The following ZSCAN29 variants were observed in gnomAD, a reference collection of about 807,000 sequenced individuals.
The protein encoded by ZSCAN29 is zinc finger and SCAN domain containing 29, also known as zinc finger and SCAN domain-containing protein 29.
A neutral mutation model predicts 71.9 loss-of-function variants in ZSCAN29; 55 were observed. The observed-to-expected ratio is 0.76, with a 90% CI of 0.62 to 0.96. ZSCAN29 has a LOEUF of 0.96. Among genes scored for constraint, ZSCAN29 ranks in the 40% least tolerant of loss-of-function variants. The probability of loss-of-function intolerance (pLI) is 0.00; values close to 1 mark genes in which losing one functional copy is unlikely to be tolerated. For synonymous variants in ZSCAN29, 351 were observed against 371.6 expected (o/e 0.94, Z 0.64); for missense variants, 1,042 against 1,042.2 (o/e 1.00, Z 0.00).
Position 43,360,880 on chromosome 15 carries a change from CTTCCT to C in ZSCAN29, c.*188_*192del. 1.4e-6 allele frequency: 1 copy of C among 712,700 alleles called. No homozygotes were observed. The highest frequency in any genetic ancestry group is 2.3e-6 in the Non-Finnish European group (1 of 438,642). 44.1% of individuals were successfully genotyped at this position (712,700 alleles called of 1,614,324 possible). ...TGCAGGCAAAGAGAGGGACTGAAAT[CTTCCT>C]TTCATTCTTTAGACTGCCTTGGGGA... On this transcript the variant is annotated 3_prime_UTR_variant, in exon 6 of 6. Transcript: ENST00000684362.
At chr15:43,363,450 C>T (rs980098237) in intron 5 of ZSCAN29, among the ~76,000 whole-genome samples, 1 of 152,076 alleles carries the variant, frequency 6.6e-6, no homozygotes, top group Non-Finnish European at 1.5e-5. Flanking sequence ...TCTCAGGAAC[C>T]TCAGATTCAT....
chr15:43,362,459 T>A (rs529470037), intron 5 of ZSCAN29, among the ~76,000 whole-genome samples: 4 of 152,244 alleles, frequency 2.6e-5, no homozygotes, highest in Admixed American at 2.6e-4. Flanking sequence ...AAAAACAGGA[T>A]AGAAAAATAT....
intron 5 of ZSCAN29, among the ~76,000 whole-genome samples, chr15:43,362,248 T>C (rs2043989650): frequency 6.6e-6 from 1 of 152,206 alleles, no homozygotes; most frequent in South Asian, 2.1e-4. Flanking sequence ...ATAAAATAAT[T>C]TCCATGTTTC....
rs185961210 is a variant in ZSCAN29 at position 43,359,827 on chromosome 15, T to G, written c.*1246A>C. On this transcript the variant is annotated 3_prime_UTR_variant, in exon 6 of 6. Transcript: ENST00000684362. ...TCTATTCCAACCCTTCTTCTAGGACTCAGAAGAAACTAAGAAATCCAGGGT... is the reference window on the plus strand; with the variant it reads ...TCTATTCCAACCCTTCTTCTAGGACGCAGAAGAAACTAAGAAATCCAGGGT... The G allele has an allele frequency of 1.4e-4, 21 of 152,324 alleles. No homozygotes were observed. The East Asian group carries it at 3.7e-3, about 27-fold the overall frequency. 9.4% of individuals were successfully genotyped at this position (152,324 alleles called of 1,614,324 possible).
At position 43,366,157 on chromosome 15, in the gene ZSCAN29, G is replaced by T; in HGVS notation, c.1175C>A (p.Pro392His). 1 of 1,614,028 alleles carries T rather than the reference G, an allele frequency of 6.2e-7. No homozygotes were observed. Among genetic ancestry groups the T allele is most frequent in the Non-Finnish European group, 8.5e-7 (1 of 1,179,994 alleles). Reference protein sequence around the residue: ...DSDDMDLEATPQDPNSAAPVV... With the variant: ...DSDDMDLEATHQDPNSAAPVV... ...AGGTGCAGCTGAGTTGGGGTCCTGG[G>T]GGGTCGCCTCTAGATCCATGTCATC... is the stretch of plus-strand genomic sequence containing the variant. Residue 392 changes from proline (P) to histidine (H), a missense_variant, in exon 4 of 6, where the codon CCC (proline) becomes CAC (histidine). Physicochemically the swap from Pro to His is moderately conservative, Grantham distance 77. Coordinates refer to ENST00000684362, the MANE Select transcript of ZSCAN29 (RefSeq NM_001372080.1).
In ZSCAN29 at chr15:43,364,201, C is replaced by G. The variant is rs1174238713; in HGVS notation, c.1404G>C (p.Leu468=). ...TCTTAACTTTCCGATAGCTGGTTTG[C>G]AGGCTTTTAAACTTGGTCCGACACT... ...PEQCRTKFKS[L]QTSYRKVKNG... The change falls in exon 5 of 6, where the codon CTG becomes CTC. Residue 468 remains leucine (L), a synonymous_variant. Transcript: ENST00000684362. The G allele has an allele frequency of 1.9e-6, 3 of 1,614,226 alleles. No homozygotes were observed. The highest frequency in any genetic ancestry group is 2.5e-6 in the Non-Finnish European group (3 of 1,180,046).
chr15:43,361,884 A>G lies in ZSCAN29; in HGVS notation c.1748T>C (p.Val583Ala), dbSNP rs371680057. Residue 583 changes from valine to alanine, a missense_variant, in exon 6 of 6, where the codon GTA becomes GCA. Val to Ala is a moderately conservative substitution (Grantham distance 64). Coordinates refer to ENST00000684362, the MANE Select transcript of ZSCAN29 (RefSeq NM_001372080.1). Reference sequence around the variant, plus strand: ...TGCAAGTAATGTCCTATGCAGTTGTACTTCCTCAGAAATATCCCGTTTTGA... The same window carrying G: ...TGCAAGTAATGTCCTATGCAGTTGTGCTTCCTCAGAAATATCCCGTTTTGA... ...DNSKRDISEE[V>A]QLHRTLLARS... 4.9e-5 allele frequency: 79 copies of G among 1,613,874 alleles called. No individual in the cohort carries two copies. Among genetic ancestry groups the G allele is most frequent in the Middle Eastern group, 1.6e-4 (1 of 6,084 alleles).
chr15:43,366,214 G>C lies in ZSCAN29; in HGVS notation c.1118C>G (p.Ala373Gly). 6.2e-7 allele frequency: 1 copy of C among 1,613,398 alleles called. No homozygotes were observed. Among genetic ancestry groups the C allele is most frequent in the Non-Finnish European group, 8.5e-7 (1 of 1,180,008 alleles). Residue 373 changes from alanine to glycine, a missense_variant, in exon 4 of 6, where the codon GCA becomes GGA. Coordinates refer to ENST00000684362, the MANE Select transcript of ZSCAN29 (RefSeq NM_001372080.1). ...GQRGWQHEEGAEEAVAQESDS... is the reference protein window; with the variant it reads ...GQRGWQHEEGGEEAVAQESDS... The stretch of plus-strand genomic sequence containing the variant: ...AGACTCCTGAGCCACAGCCTCTTCT[G>C]CTCCCTCCTCATGCTGCCAGCCCCT...
Position 43,370,029 on chromosome 15 carries a change from G to T in ZSCAN29, c.-112-4C>A. The T allele has an allele frequency of 9.2e-7, 1 of 1,091,410 alleles. No individual in the cohort carries two copies. Among genetic ancestry groups the T allele is most frequent in the Non-Finnish European group, 1.3e-6 (1 of 771,782 alleles). The allele number at this position is 1,091,410 out of a possible 1,614,324, so 67.6% of individuals were successfully genotyped here. ...TGACTGTAAGAGGTGTTTCTTCCTAGGGCAGAGAAAGATGGCACTATCAGA... is the reference window on the plus strand; with the variant it reads ...TGACTGTAAGAGGTGTTTCTTCCTATGGCAGAGAAAGATGGCACTATCAGA... On this transcript the variant is annotated splice_polypyrimidine_tract_variant and splice_region_variant and intron_variant, in intron 1 of 5. Coordinates refer to ENST00000684362, the MANE Select transcript of ZSCAN29 (RefSeq NM_001372080.1).
chr15:43,364,450 A>G (rs1446431415), intron 4 of ZSCAN29, 68 bp from the exon 5 acceptor site: 10 of 1,351,666 alleles, frequency 7.4e-6, no homozygotes, highest in African/African-American at 1.4e-5. Context: ...CCTCAGTCCT[A>G]TCATCTGCAT....
intron 4 of ZSCAN29, 171 bp from the exon 5 acceptor site, chr15:43,364,553 T>C (rs2044016976): frequency 2.8e-6 from 2 of 726,340 alleles, no homozygotes; most frequent in Non-Finnish European, 4.9e-6. Context: ...AATGTTTTGC[T>C]TCTTTATATC....
chr15:43,364,637 G>C lies in ZSCAN29; in HGVS notation c.1223-255C>G, dbSNP rs1018269161. On this transcript the variant is annotated intron_variant, in intron 4 of 5. Coordinates refer to ENST00000684362, the MANE Select transcript of ZSCAN29 (RefSeq NM_001372080.1). ...ATAAAAAAGAAGCTGGCCAGGCACA[G>C]TGGCTTATGCCTGTAATCCCTGTGG... 7.6e-6 allele frequency: 4 copies of C among 528,234 alleles called. No individual in the cohort carries two copies. In the African/African-American group the frequency reaches 7.6e-5, roughly 10 times the overall value. The allele number at this position is 528,234 out of a possible 1,614,324, so 32.7% of individuals were successfully genotyped here. A position where few individuals can be genotyped will look rare whatever the true frequency, so the allele number is the denominator to read the frequency against.
rs566704476 is a variant in ZSCAN29, at chr15:43,370,226, G to C, written c.-112-201C>G. 229 of 311,708 alleles carry C rather than the reference G, an allele frequency of 7.3e-4. 6 individuals carry two copies. In the South Asian group the frequency reaches 0.01, roughly 14 times the overall value. 19.3% of individuals were successfully genotyped at this position (311,708 alleles called of 1,614,324 possible). A position where few individuals can be genotyped will look rare whatever the true frequency, so the allele number is the denominator to read the frequency against. ...GCAGCAGAGAATAAAAGTACTGTCT[G>C]CCCCTCTCCCACCTCCTCCAAATCC... On this transcript the variant is annotated intron_variant, in intron 1 of 5. Coordinates refer to ENST00000684362, the MANE Select transcript of ZSCAN29 (RefSeq NM_001372080.1).
chr15:43,364,492 A>T (rs946404620), intron 4 of ZSCAN29, 110 bp from the exon 5 acceptor site: 18 of 1,018,668 alleles, frequency 1.8e-5, no homozygotes, highest in Non-Finnish European at 2.4e-5. Flanking sequence ...AGGCTCCTAG[A>T]TGAAAAAGTA....
At chr15:43,363,681 A>G (rs2044005277) in intron 5 of ZSCAN29, 3 of 444,076 alleles carry the variant, frequency 6.8e-6, no homozygotes, top group South Asian at 5.7e-5. Context: ...AATAAATCAC[A>G]GCAAATTTAC....
In ZSCAN29 at chr15:43,370,037, A is replaced by G. The variant is rs990432566; in HGVS notation, c.-112-12T>C. The G allele has an allele frequency of 8.0e-6, 8 of 994,242 alleles. No homozygotes were observed. The highest frequency in any genetic ancestry group is 6.5e-5 in the African/African-American group (4 of 61,710). The allele number at this position is 994,242 out of a possible 1,614,324, so 61.6% of individuals were successfully genotyped here. On this transcript the variant is annotated splice_polypyrimidine_tract_variant and intron_variant, in intron 1 of 5. Coordinates refer to ENST00000684362, the MANE Select transcript of ZSCAN29 (RefSeq NM_001372080.1). The stretch of plus-strand genomic sequence containing the variant: ...AGAGGTGTTTCTTCCTAGGGCAGAG[A>G]AAGATGGCACTATCAGAAGGAATAC...
At position 43,363,909 on chromosome 15, in the gene ZSCAN29, T is replaced by A; in HGVS notation, c.1690+6A>T. The A allele has an allele frequency of 6.3e-7, 1 of 1,575,422 alleles. No homozygotes were observed. The highest frequency in any genetic ancestry group is 8.6e-7 in the Non-Finnish European group (1 of 1,159,544). ...TATTTATACCATAATAGTGAAATAA[T>A]CTTACCACGGGGGCTTTGGAATAAC... On this transcript the variant is annotated splice_donor_region_variant and intron_variant, in intron 5 of 5. Transcript: ENST00000684362.
At position 43,366,279 on chromosome 15, in the gene ZSCAN29, G is replaced by T. The variant is rs745602369; in HGVS notation, c.1053C>A (p.Gly351=). The T allele has an allele frequency of 2.5e-6, 4 of 1,613,118 alleles. No homozygotes were observed. In the African/African-American group the frequency reaches 4.0e-5, roughly 16 times the overall value. The part of the protein sequence containing the change: ...NGLEAAASHS[G]LVGSDAETEE... ...CAGTCTCAGCATCGCTGCCTACCAG[G>T]CCAGAGTGAGAGGCTGCTGCTTCCA... Residue 351 remains glycine (G), a synonymous_variant, in exon 4 of 6, where the codon GGC becomes GGA. Coordinates refer to ENST00000684362, the MANE Select transcript of ZSCAN29 (RefSeq NM_001372080.1).
Position 43,361,353 on chromosome 15 carries a change from TTTTCTC to T in ZSCAN29, c.2273_2278del (p.Gly758_Lys760delinsGlu). 6.2e-7 allele frequency: 1 copy of T among 1,614,212 alleles called. No homozygotes were observed. The highest frequency in any genetic ancestry group is 1.3e-5 in the African/African-American group (1 of 75,054). On this transcript the variant is annotated inframe_deletion, in exon 6 of 6. Transcript: ENST00000684362. ...TCCACACTCTTCACATTGATAGGGC[TTTTCTC>T]CTGTGTGGGTTCTCTGGTGAATGAT... is the stretch of plus-strand genomic sequence containing the variant.
Sources: gnomAD v4.1 joint callset for allele counts (sites outside exome capture counted in the v4.1 genomes callset) on GRCh38, gnomAD v4.1.1 for gene constraint, MANE v1.5 for transcripts, NCBI Gene and HGNC (gene_info 2026-07-23, HGNC 2026-07-21) for gene names.